LGR6: variants seen among roughly 807,000 people sequenced by gnomAD.
LGR6 encodes leucine rich repeat containing G protein-coupled receptor 6.
In LGR6, 45 loss-of-function variants were observed where a neutral mutation model predicts 69.4. The ratio of observed to expected loss-of-function variants is 0.65; its 90% confidence interval spans 0.51 to 0.83. The LOEUF is 0.83. Ranked by LOEUF, LGR6 falls within the 40% of genes least tolerant of loss-of-function variation. The probability of loss-of-function intolerance (pLI) is 0.00; values close to 1 mark genes in which losing one functional copy is unlikely to be tolerated. For synonymous variants in LGR6, 538 were observed against 555.0 expected (o/e 0.97, Z 0.43); for missense variants, 1,108 against 1,246.7 (o/e 0.89, Z 1.68).
intron 6 of LGR6, among the ~76,000 whole-genome samples, chr1:202,284,117 T>C (rs371541320): frequency 7.9e-4 from 121 of 152,238 alleles, no homozygotes; most frequent in African/African-American, 2.8e-3. Flanking sequence ...GAACAAATCG[T>C]GCCAACTCCA....
At chr1:202,266,453 C>T (rs1172996533) in intron 4 of LGR6, among the ~76,000 whole-genome samples, 1 of 151,942 alleles carries the variant, frequency 6.6e-6, no homozygotes, top group Non-Finnish European at 1.5e-5. Flanking sequence ...AGACCTTTGC[C>T]AGCCTTCACA....
chr1:202,297,784 C>G (rs1571990019), intron 7 of LGR6, among the ~76,000 whole-genome samples: 1 of 144,516 alleles, frequency 6.9e-6, no homozygotes. Flanking sequence ...TCGGGCACTT[C>G]CTGGGGGTGT....
At position 202,310,201 on chromosome 1, in the gene LGR6, C is replaced by G. The variant is rs762138417; in HGVS notation, c.1411C>G (p.Leu471Val). 1 of 1,613,842 alleles carries G rather than the reference C, an allele frequency of 6.2e-7. No individual in the cohort carries two copies. Among genetic ancestry groups the G allele is most frequent in the Admixed American group, 1.7e-5 (1 of 59,962 alleles). Residue 471 changes from leucine to valine, a missense_variant, in exon 16 of 18, where the codon CTG (leucine) becomes GTG (valine). Leu to Val is a conservative substitution (Grantham distance 32). Transcript: ENST00000367278. ...AGCCTGCCTCTCCCCCACCAGGATC[C>G]TGGAGGTGCCTTATGCCTACCAGTG... is the stretch of plus-strand genomic sequence containing the variant. The part of the protein sequence containing the change: ...SKDSFPKLRI[L>V]EVPYAYQCCP...
At chr1:202,256,945 G>T (rs1273616511) in intron 4 of LGR6, among the ~76,000 whole-genome samples, 2 of 152,112 alleles carry the variant, frequency 1.3e-5, no homozygotes, top group African/African-American at 4.8e-5. Flanking sequence ...GTTCTGATTT[G>T]CATTTCCCTG....
chr1:202,271,247 G>A (rs1006304494), intron 4 of LGR6, among the ~76,000 whole-genome samples: 2 of 152,036 alleles, frequency 1.3e-5, no homozygotes, highest in African/African-American at 2.4e-5. Flanking sequence ...CTGGCGGCTC[G>A]GAGACTCCTT....
At chr1:202,279,803 A>G (rs927818066) in intron 5 of LGR6, among the ~76,000 whole-genome samples, 7 of 152,166 alleles carry the variant, frequency 4.6e-5, no homozygotes, top group Non-Finnish European at 8.8e-5. Context: ...CACCAATTCA[A>G]TTTTTAGCAG....
At chr1:202,226,741 G>C (rs1660582695) in intron 2 of LGR6, among the ~76,000 whole-genome samples, 1 of 152,214 alleles carries the variant, frequency 6.6e-6, no homozygotes, top group Non-Finnish European at 1.5e-5. Flanking sequence ...TGTGGCAGCT[G>C]TTGGCTCAGG....
intron 6 of LGR6, among the ~76,000 whole-genome samples, chr1:202,293,568 A>G (rs1448562068): frequency 1.3e-5 from 2 of 152,120 alleles, no homozygotes; most frequent in African/African-American, 4.8e-5. Context: ...GTGTATTGCA[A>G]GGAGGCAACA....
Position 202,319,218 on chromosome 1 carries a change from C to A in LGR6, c.*11C>A. 6.4e-7 allele frequency: 1 copy of A among 1,562,776 alleles called. No homozygotes were observed. Among genetic ancestry groups the A allele is most frequent in the South Asian group, 1.2e-5 (1 of 82,286 alleles). ...GCTTCACACGTGTAAATATCCCTCCCCATTCTTCTCTTCCCCTCTCTTCCC... is the reference window on the plus strand; with the variant it reads ...GCTTCACACGTGTAAATATCCCTCCACATTCTTCTCTTCCCCTCTCTTCCC... On this transcript the variant is annotated 3_prime_UTR_variant, in exon 18 of 18. Transcript: ENST00000367278.
intron 1 of LGR6, among the ~76,000 whole-genome samples, chr1:202,203,505 G>T (rs1005992756): frequency 6.6e-6 from 1 of 152,162 alleles, no homozygotes; most frequent in African/African-American, 2.4e-5. Flanking sequence ...CAATGATAGT[G>T]CCACTTGAAC....
intron 16 of LGR6, among the ~76,000 whole-genome samples, chr1:202,311,217 C>T (rs151115524): frequency 6.5e-4 from 99 of 152,136 alleles, no homozygotes; most frequent in African/African-American, 2.1e-3. Context: ...AATAAACAAA[C>T]GAAAAATCAA....
chr1:202,255,304 C>T (rs1663672570), intron 4 of LGR6, among the ~76,000 whole-genome samples: 1 of 152,204 alleles, frequency 6.6e-6, no homozygotes, highest in Admixed American at 6.5e-5. Context: ...GAGATCACTT[C>T]AGGAGGGGTC....
intron 4 of LGR6, among the ~76,000 whole-genome samples, chr1:202,257,912 A>G (rs1448046806): frequency 2.0e-5 from 3 of 152,130 alleles, no homozygotes; most frequent in Non-Finnish European, 4.4e-5. Flanking sequence ...GAGTATTGCC[A>G]TCTTAACAAT....
In LGR6 at chr1:202,295,408, A is replaced by T. The variant is rs192791711; in HGVS notation, c.717-2100A>T. 3.3e-5 allele frequency among the ~76,000 whole-genome samples: 5 copies of T among 152,264 alleles called. No homozygotes were observed. In the East Asian group the frequency reaches 5.8e-4, roughly 18 times the overall value. ...TGGGAAATCTAGTTCTCTTGCAACA[A>T]TGGAGAATTCCTGATTGAGCTGAGC... On this transcript the variant is annotated intron_variant, in intron 6 of 17. Coordinates refer to ENST00000367278, the MANE Select transcript of LGR6 (RefSeq NM_001017403.2).
intron 4 of LGR6, among the ~76,000 whole-genome samples, chr1:202,263,311 C>CG (rs1357362503): frequency 6.6e-6 from 1 of 151,790 alleles, no homozygotes; most frequent in Non-Finnish European, 1.5e-5. Context: ...TTAGTAGAGA[C>CG]GGGGGTTTCA....
intron 6 of LGR6, among the ~76,000 whole-genome samples, chr1:202,287,519 T>C (rs955202558): frequency 6.6e-6 from 1 of 152,172 alleles, no homozygotes; most frequent in Non-Finnish European, 1.5e-5. Flanking sequence ...TCTCCTGAAC[T>C]CCAGACTTAA....
intron 6 of LGR6, among the ~76,000 whole-genome samples, chr1:202,288,323 G>A (rs139057360): frequency 1.3e-5 from 2 of 152,110 alleles, no homozygotes; most frequent in South Asian, 2.1e-4. Flanking sequence ...AGCATGCACC[G>A]CAATCTGATA....
chr1:202,279,605 A>C (rs1665851180), intron 5 of LGR6, among the ~76,000 whole-genome samples: 1 of 152,180 alleles, frequency 6.6e-6, no homozygotes, highest in South Asian at 2.1e-4. Context: ...TTCTTTCATC[A>C]TCTTAGAGAT....
chr1:202,298,385 G>A (rs1179490128), intron 7 of LGR6, among the ~76,000 whole-genome samples: 1 of 152,176 alleles, frequency 6.6e-6, no homozygotes, highest in African/African-American at 2.4e-5. Context: ...GCAGAGGGAT[G>A]AGCACAGGTG....
Sources: gnomAD v4.1 joint callset for allele counts (sites outside exome capture counted in the v4.1 genomes callset) on GRCh38, gnomAD v4.1.1 for gene constraint, MANE v1.5 for transcripts, NCBI Gene and HGNC (gene_info 2026-07-23, HGNC 2026-07-21) for gene names.